The following DMRT1 variants were observed in gnomAD, a reference collection of about 807,000 sequenced individuals.
DMRT1 encodes the protein doublesex and mab-3 related transcription factor 1.
In DMRT1, 7 loss-of-function variants were observed where a neutral mutation model predicts 32.3. The observed-to-expected ratio is 0.22, with a 90% confidence interval of 0.12 to 0.41. The LOEUF is 0.41. DMRT1 is among the 10% of genes least tolerant of loss of function. DMRT1 has a pLI of 1.00. For missense variants in DMRT1, 625 were observed against 500.5 expected, an observed-to-expected ratio of 1.25 and a Z score of -2.37; for synonymous variants, 278 against 206.1, an observed-to-expected ratio of 1.35 and a Z score of -2.99.
At position 927,280 on chromosome 9, in the gene DMRT1, A is replaced by C. The variant is rs12375704; in HGVS notation, c.967+10373A>C. Among the ~76,000 whole-genome samples, 142 of 152,340 alleles carry C rather than the reference A, an allele frequency of 9.3e-4. 1 individual carries two copies. The highest frequency in any genetic ancestry group is 1.8e-3 in the Non-Finnish European group (124 of 68,024). Reference sequence around the variant, plus strand: ...TGAGCAGGAACAGTTAAGATTTACAAACAATGATGAAGCTTGTCATGCATC... The same window carrying C: ...TGAGCAGGAACAGTTAAGATTTACACACAATGATGAAGCTTGTCATGCATC... On this transcript the variant is annotated intron_variant, in intron 4 of 4. Transcript: ENST00000382276.
rs1838937216 is a variant in DMRT1, at chr9:847,065, A to G, written c.460A>G (p.Ser154Gly). The G allele has an allele frequency of 8.1e-6, 13 of 1,613,948 alleles. No individual in the cohort carries two copies. The highest frequency in any genetic ancestry group is 1.3e-5 in the African/African-American group (1 of 74,922). The change falls in exon 2 of 5, where the codon AGT (serine) becomes GGT (glycine). Residue 154 changes from serine (S) to glycine (G), a missense_variant. Around this residue, in one of 3 missense-constraint regions of DMRT1, gnomAD observed 416 missense variants for 321.6 expected, o/e 1.29. Transcript: ENST00000382276. ...ELLVKRENNG[S>G]NPCLMTECSG... The stretch of plus-strand genomic sequence containing the variant: ...GCTTGTCAAAAGAGAGAACAATGGC[A>G]GTAACCCGTGCCTCATGACTGAGTG...
intron 4 of DMRT1, among the ~76,000 whole-genome samples, chr9:929,102 G>GCACT: frequency 6.6e-6 from 1 of 152,168 alleles, no homozygotes; most frequent in South Asian, 2.1e-4. Context: ...CCCTCCTAAA[G>GCACT]TGTTAGGATT....
At chr9:848,697 G>T (rs543534058) in intron 2 of DMRT1, among the ~76,000 whole-genome samples, 10 of 149,936 alleles carry the variant, frequency 6.7e-5, no homozygotes, top group Admixed American at 5.3e-4. Flanking sequence ...AGGACTACAG[G>T]CGCCCGCCAC....
At position 841,893 on chromosome 9, in the gene DMRT1, G is replaced by A. The variant is rs1589435886; in HGVS notation, c.55G>A (p.Ala19Thr). The change falls in exon 1 of 5, where the codon GCC becomes ACC. Residue 19 changes from alanine to threonine, a missense_variant. Ala to Thr is a moderately conservative substitution (Grantham distance 58). Around this residue, in one of 3 missense-constraint regions of DMRT1, gnomAD observed 201 missense variants for 152.0 expected, o/e 1.32. Coordinates refer to ENST00000382276, the MANE Select transcript of DMRT1 (RefSeq NM_021951.3). The part of the protein sequence containing the change: ...KPSTPSEAPH[A>T]PGVPPQGRAG... ...CTCTACACCGTCGGAAGCCCCTCACGCCCCCGGGGTACCGCCGCAGGGCAG... is the reference window on the plus strand; with the variant it reads ...CTCTACACCGTCGGAAGCCCCTCACACCCCCGGGGTACCGCCGCAGGGCAG... 2 of 1,611,786 alleles carry A rather than the reference G, an allele frequency of 1.2e-6. No individual in the cohort carries two copies. Among genetic ancestry groups the A allele is most frequent in the East Asian group, 2.2e-5 (1 of 44,816 alleles).
intron 4 of DMRT1, 26 bp from the exon 5 acceptor site, chr9:967,951 CCTTTCTCT>C (rs138244811): frequency 9.4e-6 from 15 of 1,603,680 alleles, no homozygotes; most frequent in East Asian, 2.2e-5. Flanking sequence ...TCCCTTTCTC[CCTTTCTCT>C]CTTTCTCTCT....
chr9:876,528 C>CTT lies in DMRT1; in HGVS notation c.539-17373_539-17372dup, dbSNP rs112659992. Among the ~76,000 whole-genome samples the CTT allele has an allele frequency of 1.2e-3, 174 of 145,768 alleles. 1 individual carries two copies. In the East Asian group the frequency reaches 0.013, roughly 11 times the overall value. On this transcript the variant is annotated intron_variant, in intron 2 of 4. Coordinates refer to ENST00000382276, the MANE Select transcript of DMRT1 (RefSeq NM_021951.3). Reference sequence around the variant, plus strand: ...GCTAGGTTGACTCCTCGTCAATAGGCTTTTTTTTTTTTAATCTATTGAGAC... The same window carrying CTT: ...GCTAGGTTGACTCCTCGTCAATAGGCTTTTTTTTTTTTTTAATCTATTGAGAC...
Position 843,158 on chromosome 9 carries a change from A to G in DMRT1, c.354+966A>G, listed in dbSNP as rs568824736. Reference sequence around the variant, plus strand: ...TCCCTCCTTGCTGAGTTGCACTTAAATTAGAAAGGATCTTGGAGGGCGGCA... The same window carrying G: ...TCCCTCCTTGCTGAGTTGCACTTAAGTTAGAAAGGATCTTGGAGGGCGGCA... On this transcript the variant is annotated intron_variant, in intron 1 of 4. Coordinates refer to ENST00000382276, the MANE Select transcript of DMRT1 (RefSeq NM_021951.3). 3.9e-5 allele frequency among the ~76,000 whole-genome samples: 6 copies of G among 152,288 alleles called. No homozygotes were observed. In the South Asian group the frequency reaches 1.2e-3, roughly 32 times the overall value.
intron 2 of DMRT1, among the ~76,000 whole-genome samples, chr9:850,689 A>G (rs952916387): frequency 4.6e-5 from 7 of 152,182 alleles, no homozygotes; most frequent in Admixed American, 3.9e-4. Flanking sequence ...AGCTTTTTTC[A>G]TTTACTACAG....
intron 2 of DMRT1, among the ~76,000 whole-genome samples, chr9:870,326 G>A (rs1816184003): frequency 6.6e-6 from 1 of 152,138 alleles, no homozygotes; most frequent in Non-Finnish European, 1.5e-5. Flanking sequence ...TTGAACCTGG[G>A]AGGCGGAGGT....
chr9:954,613 T>A (rs1819535978), intron 4 of DMRT1, among the ~76,000 whole-genome samples: 1 of 150,742 alleles, frequency 6.6e-6, no homozygotes, highest in South Asian at 2.1e-4. Context: ...TTTTTTTGTT[T>A]GTTTTTTTGT....
intron 4 of DMRT1, among the ~76,000 whole-genome samples, chr9:938,118 G>A (rs901338841): frequency 2.0e-5 from 3 of 151,984 alleles, no homozygotes; most frequent in Non-Finnish European, 2.9e-5. Context: ...CCCAGTGAGT[G>A]GTCTTAGCAC....
At chr9:888,249 T>A (rs73374733) in intron 2 of DMRT1, among the ~76,000 whole-genome samples, 1 of 152,116 alleles carries the variant, frequency 6.6e-6, no homozygotes, top group South Asian at 2.1e-4. Context: ...CAGCTTGGGA[T>A]CTAAGCTCTG....
chr9:964,197 G>GT (rs958676185), intron 4 of DMRT1, among the ~76,000 whole-genome samples: 70 of 148,724 alleles, frequency 4.7e-4, no homozygotes, highest in South Asian at 8.5e-4. Context: ...GAGTTTTGTG[G>GT]TTTTTTTTTT....
At chr9:880,800 G>A (rs1005938524) in intron 2 of DMRT1, among the ~76,000 whole-genome samples, 4 of 151,730 alleles carry the variant, frequency 2.6e-5, no homozygotes, top group Admixed American at 2.6e-4. Flanking sequence ...AAGGACCAGC[G>A]GCCTTCCCCA....
At position 875,625 on chromosome 9, in the gene DMRT1, A is replaced by G. The variant is rs192418469; in HGVS notation, c.539-18287A>G. ...GTGACTATAGTTGTGGGCCAGTTAG[A>G]TAGCTTCTGTCATGCTGTTTGTGTC... is the stretch of plus-strand genomic sequence containing the variant. On this transcript the variant is annotated intron_variant, in intron 2 of 4. Coordinates refer to ENST00000382276, the MANE Select transcript of DMRT1 (RefSeq NM_021951.3). Among the ~76,000 whole-genome samples, 4 of 152,304 alleles carry G rather than the reference A, an allele frequency of 2.6e-5. No individual in the cohort carries two copies. In the East Asian group the frequency reaches 5.8e-4, roughly 22 times the overall value.
intron 2 of DMRT1, among the ~76,000 whole-genome samples, chr9:867,618 G>C (rs796672377): frequency 1.8e-4 from 27 of 152,290 alleles, no homozygotes; most frequent in African/African-American, 6.5e-4. Context: ...ACTTCCACAA[G>C]ATGGCATGTG....
At chr9:870,215 C>G (rs11788612) in intron 2 of DMRT1, among the ~76,000 whole-genome samples, 23,336 of 152,002 alleles carry the variant, frequency 0.15, 2,038 homozygotes, top group African/African-American at 0.23. Context: ...CTGGGTAACA[C>G]GGTGAAACCC....
At chr9:859,870 G>A (rs1044163069) in intron 2 of DMRT1, among the ~76,000 whole-genome samples, 4 of 151,974 alleles carry the variant, frequency 2.6e-5, no homozygotes, top group Non-Finnish European at 5.9e-5. Flanking sequence ...TGGCAGTAAG[G>A]TTCTTAGATA....
intron 4 of DMRT1, among the ~76,000 whole-genome samples, chr9:925,286 G>A (rs1032756588): frequency 6.6e-6 from 1 of 152,288 alleles, no homozygotes; most frequent in African/African-American, 2.4e-5. Context: ...TTGGAGTTAG[G>A]TATTCCAGTG....
Sources: gnomAD v4.1 joint callset for allele counts (sites outside exome capture counted in the v4.1 genomes callset) on GRCh38, gnomAD v4.1.1 for gene constraint, gnomAD v4.1.1 regional missense constraint, MANE v1.5 for transcripts, NCBI Gene and HGNC (gene_info 2026-07-23, HGNC 2026-07-21) for gene names.